CCDC171: variants seen among roughly 807,000 people sequenced by gnomAD.
The protein encoded by CCDC171 is coiled-coil domain-containing protein 171.
A neutral mutation model predicts 168.2 loss-of-function variants in CCDC171; 177 were observed. That is an observed-to-expected ratio of 1.05 (90% CI 0.93 to 1.19). The LOEUF (loss-of-function observed/expected upper bound fraction) is 1.19, where lower values mean the gene tolerates loss of function less well. CCDC171 is among the 50% of genes most tolerant of loss of function. CCDC171 has a pLI of 0.00. For missense variants in CCDC171, 1,991 were observed against 1,539.0 expected (o/e 1.29, Z -4.91); for synonymous variants, 687 against 540.8 (o/e 1.27, Z -3.75).
chr9:15,730,533 G>A (rs1272158917), intron 16 of CCDC171, among the ~76,000 whole-genome samples: 2 of 151,672 alleles, frequency 1.3e-5, no homozygotes, highest in African/African-American at 2.4e-5. Context: ...GGAACCAGAA[G>A]GTTGTATATT....
rs114465281 is a variant in CCDC171 at position 15,879,594 on chromosome 9, G to A, written c.3600+4931G>A. Among the ~76,000 whole-genome samples, 1,153 of 152,128 alleles carry A rather than the reference G, an allele frequency of 7.6e-3. 13 individuals are homozygous for A. The highest frequency in any genetic ancestry group is 0.026 in the African/African-American group (1,091 of 41,504). The stretch of plus-strand genomic sequence containing the variant: ...ACTTCTCTTGGGCCATACTATTTGT[G>A]TGCATTGTTTTTTAAACCTAATAAC... On this transcript the variant is annotated intron_variant, in intron 24 of 25. Transcript: ENST00000380701.
the CCDC171 span, among the ~76,000 whole-genome samples, chr9:16,095,066 G>GC: frequency 1.3e-5 from 2 of 152,054 alleles, no homozygotes; most frequent in African/African-American, 4.8e-5. Flanking sequence ...GTTTCCTGAG[G>GC]CCCCCCAGCC....
intron 1 of CCDC171, among the ~76,000 whole-genome samples, chr9:15,557,507 G>T (rs200712556): frequency 6.6e-6 from 1 of 151,962 alleles, no homozygotes; most frequent in Non-Finnish European, 1.5e-5. Flanking sequence ...GTAGCAATTG[G>T]GAATGGGAAT....
In CCDC171 at chr9:15,821,031, CAT is replaced by C. The variant is rs1314644126; in HGVS notation, c.3268-25668_3268-25667del. 5.1e-5 allele frequency among the ~76,000 whole-genome samples: 6 copies of C among 117,342 alleles called. 2 individuals are homozygous for C. The highest frequency in any genetic ancestry group is 1.1e-4 in the Non-Finnish European group (6 of 52,298). 77.0% of individuals were successfully genotyped at this position (117,342 alleles called of 152,430 possible). On this transcript the variant is annotated intron_variant, in intron 21 of 25. Transcript: ENST00000380701. ...TCCCTGGGATGCAAGGCTGGTTCAA[CAT>C]ATGAAAATCAATAAACATAATCCAG...
Position 15,603,977 on chromosome 9 carries a change from T to C in CCDC171, c.675+9805T>C, listed in dbSNP as rs191156360. Among the ~76,000 whole-genome samples, 5 of 152,370 alleles carry C rather than the reference T, an allele frequency of 3.3e-5. No homozygotes were observed. The East Asian group carries it at 7.7e-4, about 23-fold the overall frequency. ...GCCTGAGATGGTATCTCATTGTGAT[T>C]TTGACTTGCATTTCTCTGATGATCA... is the stretch of plus-strand genomic sequence containing the variant. On this transcript the variant is annotated intron_variant, in intron 6 of 25. Transcript: ENST00000380701.
rs961865370 is a variant in CCDC171 at position 15,784,385 on chromosome 9, G to A, written c.3082-124G>A. The A allele has an allele frequency of 7.7e-6, 4 of 520,122 alleles. No individual in the cohort carries two copies. The African/African-American group carries it at 7.8e-5, about 10-fold the overall frequency. The allele number at this position is 520,122 out of a possible 1,614,324, so 32.2% of individuals were successfully genotyped here. On this transcript the variant is annotated intron_variant, in intron 20 of 25. Transcript: ENST00000380701. Reference sequence around the variant, plus strand: ...CTTATGCAATTAAGAAAAGCTAATTGTATTTTTTTAATGTATCAAGTGCCT... The same window carrying A: ...CTTATGCAATTAAGAAAAGCTAATTATATTTTTTTAATGTATCAAGTGCCT...
the CCDC171 span, among the ~76,000 whole-genome samples, chr9:16,080,557 T>G: frequency 1.3e-5 from 2 of 152,192 alleles, no homozygotes; most frequent in African/African-American, 4.8e-5. Flanking sequence ...AATCTCCTTC[T>G]CTGTGACCTT....
At chr9:15,928,506 C>T (rs754983769) in intron 25 of CCDC171, among the ~76,000 whole-genome samples, 2 of 151,714 alleles carry the variant, frequency 1.3e-5, no homozygotes, top group Non-Finnish European at 1.5e-5. Flanking sequence ...GAGAAACTCT[C>T]ACTGTGATAT....
At chr9:15,634,699 G>A (rs541969459) in intron 7 of CCDC171, among the ~76,000 whole-genome samples, 31 of 152,266 alleles carry the variant, frequency 2.0e-4, no homozygotes, top group South Asian at 4.1e-4. Flanking sequence ...GTACAATTCA[G>A]TGGTTTTTAG....
intron 1 of CCDC171, among the ~76,000 whole-genome samples, chr9:15,555,599 G>A (rs148578067): frequency 1.3e-5 from 2 of 152,318 alleles, no homozygotes; most frequent in East Asian, 1.9e-4. Flanking sequence ...GAGCTCTGGA[G>A]TCAGCTAACT....
At position 15,666,204 on chromosome 9, in the gene CCDC171, G is replaced by A; in HGVS notation, c.957G>A (p.Lys319=). The change falls in exon 9 of 26, where the codon AAG becomes AAA. Residue 319 remains lysine (K), a synonymous_variant. Transcript: ENST00000380701. ...RDLEGALQVE[K]ASQAEAVADL... The stretch of plus-strand genomic sequence containing the variant: ...TTGAAGGAGCTTTGCAAGTAGAGAA[G>A]GCCAGTCAAGCAGAAGCTGTTGCTG... The A allele has an allele frequency of 6.2e-7, 1 of 1,613,812 alleles. No homozygotes were observed. The highest frequency in any genetic ancestry group is 2.2e-5 in the East Asian group (1 of 44,836).
At chr9:15,685,643 A>G (rs940612324) in intron 10 of CCDC171, among the ~76,000 whole-genome samples, 2 of 152,144 alleles carry the variant, frequency 1.3e-5, no homozygotes, top group Non-Finnish European at 2.9e-5. Context: ...TCAAAAAAAA[A>G]GATAAATGCA....
chr9:15,848,156 A>G (rs763012507), intron 22 of CCDC171, among the ~76,000 whole-genome samples: 3 of 151,942 alleles, frequency 2.0e-5, no homozygotes, highest in African/African-American at 4.8e-5. Flanking sequence ...ATTGCTGTTA[A>G]TTCAGTGTTT....
At chr9:15,609,625 T>C (rs2043503823) in intron 6 of CCDC171, among the ~76,000 whole-genome samples, 1 of 152,236 alleles carries the variant, frequency 6.6e-6, no homozygotes, top group Non-Finnish European at 1.5e-5. Flanking sequence ...ATTTCCATCA[T>C]ACATCAAGTT....
chr9:15,568,162 T>C (rs995891701), intron 2 of CCDC171, among the ~76,000 whole-genome samples: 20 of 152,142 alleles, frequency 1.3e-4, no homozygotes, highest in African/African-American at 4.8e-4. Flanking sequence ...TCTTTCAGAA[T>C]CATGTCCTTT....
chr9:15,778,751 T>C (rs1261097268), intron 19 of CCDC171, among the ~76,000 whole-genome samples: 1 of 152,092 alleles, frequency 6.6e-6, no homozygotes, highest in South Asian at 2.1e-4. Context: ...TCAATTTCAT[T>C]TTTAGCTATC....
chr9:15,646,961 C>A (rs183512397), intron 7 of CCDC171, among the ~76,000 whole-genome samples: 80 of 152,294 alleles, frequency 5.3e-4, no homozygotes, highest in African/African-American at 1.8e-3. Context: ...CTTCTCAGCA[C>A]CACATTGCAC....
intron 7 of CCDC171, among the ~76,000 whole-genome samples, chr9:15,649,618 C>T (rs2047341522): frequency 6.6e-6 from 1 of 152,152 alleles, no homozygotes; most frequent in East Asian, 1.9e-4. Flanking sequence ...CAAAAGAAGA[C>T]ATTTATGCAG....
At chr9:16,065,143 G>A (rs1470218019), downstream of CCDC171, among the ~76,000 whole-genome samples, 1 of 152,202 alleles carries the variant, frequency 6.6e-6, no homozygotes, top group Non-Finnish European at 1.5e-5. Context: ...CTTTCCCATA[G>A]CCACTTACCA....
Sources: gnomAD v4.1 joint callset for allele counts (sites outside exome capture counted in the v4.1 genomes callset) on GRCh38, gnomAD v4.1.1 for gene constraint, MANE v1.5 for transcripts, NCBI Gene and HGNC (gene_info 2026-07-23, HGNC 2026-07-21) for gene names.